The following SLC25A13 variants were observed in gnomAD, a reference collection of about 807,000 sequenced individuals.
SLC25A13 encodes the protein solute carrier family 25 member 13.
SLC25A13 carries 70 observed loss-of-function variants against 85.5 expected under a neutral mutation model. That is an observed-to-expected ratio of 0.82 (90% CI 0.68 to 1.00). The LOEUF (loss-of-function observed/expected upper bound fraction) is 1.00. Ranked by LOEUF, SLC25A13 falls within the 50% of genes least tolerant of loss-of-function variation. The pLI is 0.00. For missense variants in SLC25A13, 765 were observed against 819.8 expected, an observed-to-expected ratio of 0.93 and a Z score of 0.82; for synonymous variants, 259 against 288.7, an observed-to-expected ratio of 0.90 and a Z score of 1.04.
chr7:96,296,974 TTA>T lies in SLC25A13; in HGVS notation c.16-25_16-24del, dbSNP rs1434584915. 3.8e-6 allele frequency: 6 copies of T among 1,596,864 alleles called. No individual in the cohort carries two copies. The African/African-American group carries it at 6.7e-5, about 18-fold the overall frequency. ...CACCTATAAATAAACATAAAAATGT[TTA>T]TGTTATTACAACAAAGCTGAGAAAT... On this transcript the variant is annotated intron_variant, in intron 1 of 17. Transcript: ENST00000265631.
At chr7:96,275,127 T>C (rs1260136419) in intron 3 of SLC25A13, among the ~76,000 whole-genome samples, 4 of 152,224 alleles carry the variant, frequency 2.6e-5, no homozygotes, top group South Asian at 2.1e-4. Flanking sequence ...TGATTCTTCC[T>C]ACCCATGAGC....
intron 14 of SLC25A13, among the ~76,000 whole-genome samples, chr7:96,137,554 G>A (rs1414291767): frequency 1.3e-5 from 2 of 152,330 alleles, no homozygotes; most frequent in African/African-American, 4.8e-5. Context: ...ACAGAGGAAT[G>A]TTATCACATG....
chr7:96,151,010 T>G (rs1793020064), intron 13 of SLC25A13, among the ~76,000 whole-genome samples: 1 of 151,970 alleles, frequency 6.6e-6, no homozygotes, highest in African/African-American at 2.4e-5. Flanking sequence ...GATATGACAG[T>G]TCAAAGGAGG....
chr7:96,296,806 T>C (rs1252471346), intron 2 of SLC25A13, 92 bp downstream of exon 2: 5 of 1,324,080 alleles, frequency 3.8e-6, no homozygotes, highest in African/African-American at 1.5e-5. Flanking sequence ...TTTCAAAATA[T>C]AACAACGAAA....
intron 1 of SLC25A13, among the ~76,000 whole-genome samples, chr7:96,308,192 C>T (rs1054219394): frequency 6.6e-6 from 1 of 151,294 alleles, no homozygotes; most frequent in Non-Finnish European, 1.5e-5. Context: ...CCACTGTTAA[C>T]CAGCAGCATG....
At chr7:96,298,109 G>A (rs1799415700) in intron 1 of SLC25A13, among the ~76,000 whole-genome samples, 1 of 152,152 alleles carries the variant, frequency 6.6e-6, no homozygotes, top group African/African-American at 2.4e-5. Context: ...ATGAAGCCAA[G>A]GAGAGGTTCC....
At chr7:96,219,923 A>G (rs907131868) in intron 4 of SLC25A13, among the ~76,000 whole-genome samples, 1 of 152,234 alleles carries the variant, frequency 6.6e-6, no homozygotes, top group African/African-American at 2.4e-5. Context: ...CTAAATCAAC[A>G]GAGGGGCCAA....
At chr7:96,268,698 CT>C (rs1185471616) in intron 3 of SLC25A13, among the ~76,000 whole-genome samples, 1 of 152,200 alleles carries the variant, frequency 6.6e-6, no homozygotes, top group Non-Finnish European at 1.5e-5. Context: ...TCAAATTAGC[CT>C]TTGATGGCTC....
At chr7:96,306,688 G>A in intron 1 of SLC25A13, 2 of 777,634 alleles carry the variant, frequency 2.6e-6, no homozygotes, top group Non-Finnish European at 2.0e-6. Context: ...TGGGAGTACA[G>A]CAGCCAAACG....
rs1234307965 is a variant in SLC25A13, at chr7:96,240,737, C to A, written c.213-5820G>T. Among the ~76,000 whole-genome samples the A allele has an allele frequency of 2.2e-5, 3 of 138,314 alleles. No individual in the cohort carries two copies. The South Asian group carries it at 7.1e-4, about 33-fold the overall frequency. The allele number at this position is 138,314 out of a possible 152,430, so 90.7% of individuals were successfully genotyped here. A position where few individuals can be genotyped will look rare whatever the true frequency, so the allele number is the denominator to read the frequency against. On this transcript the variant is annotated intron_variant, in intron 3 of 17. Transcript: ENST00000265631. ...CCAGCCTGGGCTACAGAGTGAGACA[C>A]CATCTACTAGAAAAAAAAAAAAAGA... is the stretch of plus-strand genomic sequence containing the variant.
chr7:96,177,693 T>G (rs894783901), intron 11 of SLC25A13, among the ~76,000 whole-genome samples: 2 of 152,186 alleles, frequency 1.3e-5, no homozygotes, highest in Non-Finnish European at 2.9e-5. Flanking sequence ...AATGGATTTT[T>G]GTTGTTGTTG....
chr7:96,179,631 A>G (rs1330242427), intron 11 of SLC25A13, among the ~76,000 whole-genome samples: 1 of 152,226 alleles, frequency 6.6e-6, no homozygotes, highest in Non-Finnish European at 1.5e-5. Context: ...AACCAAATAC[A>G]TGTCTTCTGA....
intron 13 of SLC25A13, among the ~76,000 whole-genome samples, chr7:96,164,184 T>C (rs1413377929): frequency 1.3e-5 from 2 of 152,188 alleles, no homozygotes; most frequent in African/African-American, 4.8e-5. Context: ...AAACTGGGCC[T>C]GAGATTTTTC....
At chr7:96,226,151 CTT>C (rs1796321590) in intron 4 of SLC25A13, among the ~76,000 whole-genome samples, 1 of 152,142 alleles carries the variant, frequency 6.6e-6, no homozygotes, top group Non-Finnish European at 1.5e-5. Context: ...TTAACCAAAA[CTT>C]TATGCCGGCT....
intron 2 of SLC25A13, among the ~76,000 whole-genome samples, chr7:96,292,652 C>T (rs1214327955): frequency 6.6e-6 from 1 of 152,092 alleles, no homozygotes; most frequent in Non-Finnish European, 1.5e-5. Context: ...AACAGAGAGC[C>T]AAATCATGAG....
chr7:96,187,841 T>A (rs990389586), intron 9 of SLC25A13, among the ~76,000 whole-genome samples: 1 of 152,196 alleles, frequency 6.6e-6, no homozygotes, highest in Admixed American at 6.5e-5. Context: ...TTGCTTGAAT[T>A]TGTCGGGCCC....
At chr7:96,171,443 A>C (rs755207755) in intron 12 of SLC25A13, 29 bp downstream of exon 12, 1 of 1,596,812 alleles carries the variant, frequency 6.3e-7, no homozygotes, top group Non-Finnish European at 8.6e-7. Flanking sequence ...AAAATCCCTT[A>C]ATAAGAAGCA....
chr7:96,174,543 C>T (rs938606438), intron 11 of SLC25A13, among the ~76,000 whole-genome samples: 3 of 152,214 alleles, frequency 2.0e-5, no homozygotes, highest in South Asian at 2.1e-4. Flanking sequence ...TTTCATCTTT[C>T]TCCCTGTATT....
chr7:96,305,099 T>C (rs1799695265), intron 1 of SLC25A13, among the ~76,000 whole-genome samples: 1 of 152,204 alleles, frequency 6.6e-6, no homozygotes, highest in African/African-American at 2.4e-5. Flanking sequence ...ACTGTATCAT[T>C]AAAACTCTTT....
Sources: gnomAD v4.1 joint callset for allele counts (sites outside exome capture counted in the v4.1 genomes callset) on GRCh38, gnomAD v4.1.1 for gene constraint, MANE v1.5 for transcripts, NCBI Gene and HGNC (gene_info 2026-07-23, HGNC 2026-07-21) for gene names.